The following SULF1 variants were observed in gnomAD, a reference collection of about 807,000 sequenced individuals.
The protein encoded by SULF1 is extracellular sulfatase Sulf-1.
A neutral mutation model predicts 110.5 loss-of-function variants in SULF1; 46 were observed. That is an observed-to-expected ratio of 0.42 (90% confidence interval 0.33 to 0.53). SULF1 has a LOEUF of 0.53. SULF1 is among the 20% of genes least tolerant of loss of function. The probability of loss-of-function intolerance (pLI) is 0.12; values close to 1 mark genes in which losing one functional copy is unlikely to be tolerated. For synonymous variants in SULF1, 371 were observed against 387.1 expected (o/e 0.96, Z 0.49); for missense variants, 941 against 1,094.2 (o/e 0.86, Z 1.98).
intron 3 of SULF1, among the ~76,000 whole-genome samples, chr8:69,527,602 A>G (rs1812786198): frequency 6.6e-6 from 1 of 152,200 alleles, no homozygotes; most frequent in African/African-American, 2.4e-5. Context: ...TGCGAAAAAC[A>G]GAATTGCAGG....
At chr8:69,611,362 A>G (rs189354854) in intron 13 of SULF1, among the ~76,000 whole-genome samples, 1 of 152,346 alleles carries the variant, frequency 6.6e-6, no homozygotes, top group East Asian at 1.9e-4. Flanking sequence ...ACAAGGGATT[A>G]TCTAGATTAA....
intron 19 of SULF1, among the ~76,000 whole-genome samples, chr8:69,631,378 C>T (rs72658287): frequency 0.1 from 15,455 of 152,170 alleles, 958 homozygotes; most frequent in Middle Eastern, 0.17. Flanking sequence ...CCCAGGCTCC[C>T]CTCTGGTCCT....
chr8:69,469,083 A>G (rs1316650599), intron 1 of SULF1, among the ~76,000 whole-genome samples: 2 of 152,230 alleles, frequency 1.3e-5, no homozygotes, highest in Non-Finnish European at 2.9e-5. Flanking sequence ...TAACAGGGTA[A>G]TGTGAAGTTA....
intron 3 of SULF1, among the ~76,000 whole-genome samples, chr8:69,513,853 G>A (rs1811739351): frequency 6.6e-6 from 1 of 152,200 alleles, no homozygotes; most frequent in South Asian, 2.1e-4. Flanking sequence ...ATAGTTGAGA[G>A]ACAAATAGTA....
chr8:69,526,738 C>A (rs1278543611), intron 3 of SULF1, among the ~76,000 whole-genome samples: 1 of 150,592 alleles, frequency 6.6e-6, no homozygotes, highest in Non-Finnish European at 1.5e-5. Flanking sequence ...CTGCAAAGAG[C>A]TTTGTTTACA....
intron 22 of SULF1, chr8:69,641,274 G>A (rs186470804): frequency 1.3e-5 from 2 of 156,404 alleles, no homozygotes; most frequent in Admixed American, 1.3e-4. Context: ...AATGACTAAT[G>A]AGAATTTTAA....
intron 3 of SULF1, among the ~76,000 whole-genome samples, chr8:69,510,794 T>A (rs1811503603): frequency 6.6e-6 from 1 of 152,034 alleles, no homozygotes; most frequent in Non-Finnish European, 1.5e-5. Flanking sequence ...TTTTTATATT[T>A]TTAGTAGAGA....
intron 22 of SULF1, among the ~76,000 whole-genome samples, chr8:69,641,936 A>C (rs1486328441): frequency 6.6e-6 from 1 of 151,958 alleles, no homozygotes; most frequent in Non-Finnish European, 1.5e-5. Flanking sequence ...TCACCTGGCA[A>C]TATTCGCCAT....
chr8:69,536,044 C>G (rs1422905202), intron 3 of SULF1, among the ~76,000 whole-genome samples: 1 of 151,886 alleles, frequency 6.6e-6, no homozygotes, highest in Admixed American at 6.6e-5. Flanking sequence ...AAAATCCCTG[C>G]AAGCAATCAC....
intron 1 of SULF1, among the ~76,000 whole-genome samples, chr8:69,474,585 G>A (rs1809225481): frequency 6.6e-6 from 1 of 152,062 alleles, no homozygotes; most frequent in African/African-American, 2.4e-5. Flanking sequence ...CTTTATGCTG[G>A]TAAAAGAAAA....
chr8:69,617,412 TA>T (rs1563592232), intron 13 of SULF1, among the ~76,000 whole-genome samples: 4 of 86,416 alleles, frequency 4.6e-5, no homozygotes, highest in African/African-American at 1.7e-4. Context: ...TATATATATA[TA>T]TATATATATA....
chr8:69,525,642 C>G (rs1432160725), intron 3 of SULF1, among the ~76,000 whole-genome samples: 2 of 152,184 alleles, frequency 1.3e-5, no homozygotes, highest in African/African-American at 2.4e-5. Context: ...GCACCTAACT[C>G]TATGCAGAGT....
At chr8:69,584,023 G>A (rs530407556) in intron 6 of SULF1, among the ~76,000 whole-genome samples, 2 of 152,316 alleles carry the variant, frequency 1.3e-5, no homozygotes, top group South Asian at 2.1e-4. Flanking sequence ...ATAGGAGATG[G>A]GGTTGGAAAG....
chr8:69,526,608 A>T (rs1277236562), intron 3 of SULF1, among the ~76,000 whole-genome samples: 12 of 150,298 alleles, frequency 8.0e-5, no homozygotes, highest in African/African-American at 2.7e-4. Flanking sequence ...CCAAAAAAAA[A>T]AAAAAAGAAA....
At chr8:69,578,634 G>A (rs1805810682) in intron 6 of SULF1, among the ~76,000 whole-genome samples, 1 of 151,544 alleles carries the variant, frequency 6.6e-6, no homozygotes, top group African/African-American at 2.4e-5. Flanking sequence ...TGTACACACC[G>A]GAAGGCTTCC....
At chr8:69,520,238 C>T (rs553508314) in intron 3 of SULF1, among the ~76,000 whole-genome samples, 167 of 152,044 alleles carry the variant, frequency 1.1e-3, no homozygotes, top group Middle Eastern at 0.01. Context: ...AATACATAAT[C>T]TCATTTGATC....
At position 69,659,337 on chromosome 8, in the gene SULF1, T is replaced by G. The variant is rs1415905240; in HGVS notation, c.*802T>G. The G allele has an allele frequency of 1.3e-5, 5 of 374,658 alleles. No homozygotes were observed. The highest frequency in any genetic ancestry group is 2.6e-5 in the Non-Finnish European group (5 of 191,036). The allele number at this position is 374,658 out of a possible 1,614,324, so 23.2% of individuals were successfully genotyped here. A position where few individuals can be genotyped will look rare whatever the true frequency, so the allele number is the denominator to read the frequency against. ...CCTCTGATTAGATGAAACTGTTACC[T>G]TACCCTAAACACAGTATTTCTTTTT... On this transcript the variant is annotated 3_prime_UTR_variant, in exon 23 of 23. Coordinates refer to ENST00000402687, the MANE Select transcript of SULF1 (RefSeq NM_001128205.2).
chr8:69,487,460 A>G (rs905214429), intron 1 of SULF1, among the ~76,000 whole-genome samples: 1 of 152,230 alleles, frequency 6.6e-6, no homozygotes, highest in African/African-American at 2.4e-5. Flanking sequence ...CCTGAATTCT[A>G]TAATCACGTA....
rs118114885 is a variant in SULF1, at chr8:69,572,444, A to G, written c.173-3526A>G. 6.0e-3 allele frequency among the ~76,000 whole-genome samples: 915 copies of G among 152,324 alleles called. 2 individuals carry two copies. Among genetic ancestry groups the G allele is most frequent in the Non-Finnish European group, 0.01 (684 of 68,020 alleles). ...TTAATTGCTCATGTGAAGCACTTAG[A>G]AGAGAACCTGGCTGAGAGTAAGTAG... On this transcript the variant is annotated intron_variant, in intron 5 of 22. Coordinates refer to ENST00000402687, the MANE Select transcript of SULF1 (RefSeq NM_001128205.2).
Sources: gnomAD v4.1 joint callset for allele counts (sites outside exome capture counted in the v4.1 genomes callset) on GRCh38, gnomAD v4.1.1 for gene constraint, MANE v1.5 for transcripts, NCBI Gene and HGNC (gene_info 2026-07-23, HGNC 2026-07-21) for gene names.